DPP6: variants seen among roughly 807,000 people sequenced by gnomAD.
DPP6 encodes A-type potassium channel modulatory protein DPP6.
DPP6 carries 69 observed loss-of-function variants against 122.6 expected under a neutral mutation model. That is an observed-to-expected ratio of 0.56 (90% CI 0.46 to 0.69). DPP6 has a LOEUF of 0.69. Ranked by LOEUF, DPP6 falls within the 30% of genes least tolerant of loss-of-function variation. The pLI is 0.00. For missense variants in DPP6, 928 were observed against 1,116.9 expected (o/e 0.83, Z 2.41); for synonymous variants, 418 against 433.1 (o/e 0.97, Z 0.43).
chr7:154,111,974 C>A (rs891261833), intron 1 of DPP6, among the ~76,000 whole-genome samples: 1 of 152,004 alleles, frequency 6.6e-6, no homozygotes, highest in Non-Finnish European at 1.5e-5. Context: ...TTATTAAGGC[C>A]AAAATGGGCA....
intron 1 of DPP6, among the ~76,000 whole-genome samples, chr7:153,922,748 C>G (rs949828492): frequency 7.2e-5 from 11 of 152,068 alleles, no homozygotes. Context: ...GAACATTTAC[C>G]ATGGCAAAAA....
the DPP6 span, among the ~76,000 whole-genome samples, chr7:153,880,382 C>T: frequency 6.6e-6 from 1 of 152,196 alleles, no homozygotes. Context: ...CTTATATTTT[C>T]CAATACTTTG....
At chr7:154,539,787 TAAA>T (rs56012436) in intron 3 of DPP6, among the ~76,000 whole-genome samples, 1 of 151,654 alleles carries the variant, frequency 6.6e-6, no homozygotes, top group Admixed American at 6.6e-5. Flanking sequence ...TTTTTTAAAT[TAAA>T]AAAAATTATT....
At chr7:154,543,241 A>G (rs532306547) in intron 4 of DPP6, among the ~76,000 whole-genome samples, 1 of 152,346 alleles carries the variant, frequency 6.6e-6, no homozygotes, top group Non-Finnish European at 1.5e-5. Context: ...ACAGCCTTAA[A>G]CAAGTTGAGA....
At chr7:153,880,710 A>G in the DPP6 span, among the ~76,000 whole-genome samples, 11 of 152,214 alleles carry the variant, frequency 7.2e-5, no homozygotes, top group South Asian at 4.1e-4. Flanking sequence ...GGGAGAAAAG[A>G]CACACTGAGC....
chr7:153,808,522 A>G, the DPP6 span, among the ~76,000 whole-genome samples: 1 of 152,014 alleles, frequency 6.6e-6, no homozygotes, highest in African/African-American at 2.4e-5. Flanking sequence ...TGTTATATAC[A>G]TTAGATCTGC....
chr7:154,306,152 G>A (rs186735656), intron 1 of DPP6, among the ~76,000 whole-genome samples: 10 of 152,308 alleles, frequency 6.6e-5, no homozygotes, highest in African/African-American at 2.4e-4. Flanking sequence ...GGACTCGGCC[G>A]AGAAGGTGCA....
chr7:154,888,949 G>T (rs1376611997), intron 23 of DPP6, among the ~76,000 whole-genome samples: 1 of 152,178 alleles, frequency 6.6e-6, no homozygotes, highest in Non-Finnish European at 1.5e-5. Context: ...GCTCTCGTGA[G>T]ATTTATTCAT....
At chr7:154,870,962 CAAAAA>C (rs146259949) in intron 18 of DPP6, among the ~76,000 whole-genome samples, 15,141 of 99,006 alleles carry the variant, frequency 0.15, 1,396 homozygotes, top group East Asian at 0.56. Flanking sequence ...GACTCCATCT[CAAAAA>C]AAAAAAAAAA....
At chr7:154,469,906 G>A (rs1360145576) in intron 2 of DPP6, among the ~76,000 whole-genome samples, 2 of 152,168 alleles carry the variant, frequency 1.3e-5, no homozygotes, top group African/African-American at 2.4e-5. Context: ...TAGGTCCATC[G>A]CTGACGGAAC....
At chr7:154,284,787 G>A (rs1307841397) in intron 1 of DPP6, among the ~76,000 whole-genome samples, 1 of 152,190 alleles carries the variant, frequency 6.6e-6, no homozygotes, top group African/African-American at 2.4e-5. Context: ...CACAGGAGGT[G>A]GAGGTTGCAG....
intron 8 of DPP6, among the ~76,000 whole-genome samples, chr7:154,735,899 G>A (rs1842548596): frequency 6.6e-6 from 1 of 152,190 alleles, no homozygotes; most frequent in Non-Finnish European, 1.5e-5. Context: ...GGCCCTCTTA[G>A]CCCCCTGGGT....
At chr7:154,447,048 G>A (rs1047077341) in intron 2 of DPP6, among the ~76,000 whole-genome samples, 6 of 152,204 alleles carry the variant, frequency 3.9e-5, no homozygotes, top group East Asian at 1.9e-4. Context: ...GCTTATGCCT[G>A]TAATCCCAGT....
At position 154,062,233 on chromosome 7, in the gene DPP6, A is replaced by G. The variant is rs187301472; in HGVS notation, c.243+9170A>G. On this transcript the variant is annotated intron_variant, in intron 1 of 25. Transcript: ENST00000377770. ...TGCGGGTGTTAGGTGTCCAAGTAGA[A>G]AGTTCAAATCTTCTGACGGCAGGTA... Among the ~76,000 whole-genome samples, 105 of 93,456 alleles carry G rather than the reference A, an allele frequency of 1.1e-3. 22 individuals carry two copies. Among genetic ancestry groups the G allele is most frequent in the Non-Finnish European group, 1.6e-3 (68 of 43,844 alleles). 61.3% of individuals were successfully genotyped at this position (93,456 alleles called of 152,430 possible).
At position 154,857,060 on chromosome 7, in the gene DPP6, G is replaced by A. The variant is rs561370435; in HGVS notation, c.1714+3233G>A. Among the ~76,000 whole-genome samples the A allele has an allele frequency of 2.0e-5, 3 of 152,282 alleles. No individual in the cohort carries two copies. In the South Asian group the frequency reaches 6.2e-4, roughly 32 times the overall value. On this transcript the variant is annotated intron_variant, in intron 17 of 25. Coordinates refer to ENST00000377770, the MANE Select transcript of DPP6 (RefSeq NM_130797.4). ...AGTGTTTGACTCTGGGTTTCCTGGAGCCTAATTCAAACTCTAGGAATATTT... is the reference window on the plus strand; with the variant it reads ...AGTGTTTGACTCTGGGTTTCCTGGAACCTAATTCAAACTCTAGGAATATTT...
intron 3 of DPP6, among the ~76,000 whole-genome samples, chr7:154,494,801 A>G (rs1357884679): frequency 6.6e-6 from 1 of 152,156 alleles, no homozygotes; most frequent in Non-Finnish European, 1.5e-5. Flanking sequence ...AAATGCATTC[A>G]GTTAATAATT....
chr7:154,660,754 C>T (rs1438667340), intron 6 of DPP6, among the ~76,000 whole-genome samples: 1 of 15,212 alleles, frequency 6.6e-5, no homozygotes, highest in Non-Finnish European at 1.7e-4. Context: ...GCGTATTGGC[C>T]GTAGTGTTCC....
chr7:153,807,202 CAGGAGTT>C, the DPP6 span, among the ~76,000 whole-genome samples: 1 of 151,948 alleles, frequency 6.6e-6, no homozygotes, highest in South Asian at 2.1e-4. Flanking sequence ...CACCTGAGGT[CAGGAGTT>C]CAAGACCAGC....
chr7:154,076,494 C>A (rs1032555667), intron 1 of DPP6, among the ~76,000 whole-genome samples: 2 of 149,904 alleles, frequency 1.3e-5, no homozygotes, highest in African/African-American at 2.5e-5. Context: ...AGAAATAGTT[C>A]CATATAAAAA....
Sources: allele counts gnomAD v4.1 joint callset (sites outside exome capture counted in the v4.1 genomes callset), GRCh38; gene constraint gnomAD v4.1.1; transcripts MANE v1.5; gene names NCBI Gene and HGNC (gene_info 2026-07-23, HGNC 2026-07-21).